The following SLC35D2 variants were observed in gnomAD, a reference collection of about 807,000 sequenced individuals.
SLC35D2 encodes nucleotide sugar transporter SLC35D2.
In SLC35D2, 43 loss-of-function variants were observed where a neutral mutation model predicts 41.8. That is an observed-to-expected ratio of 1.03 (90% CI 0.81 to 1.33). The LOEUF is 1.33. Ranked by LOEUF, SLC35D2 falls within the 40% of genes most tolerant of loss-of-function variation. The probability of loss-of-function intolerance (pLI) is 0.00; values close to 1 mark genes in which losing one functional copy is unlikely to be tolerated. For missense variants in SLC35D2, 380 were observed against 408.4 expected (o/e 0.93, Z 0.60); for synonymous variants, 150 against 163.9 (o/e 0.92, Z 0.65).
chr9:96,327,251 G>A (rs1828578199), intron 9 of SLC35D2, among the ~76,000 whole-genome samples: 1 of 152,210 alleles, frequency 6.6e-6, no homozygotes, highest in African/African-American at 2.4e-5. Flanking sequence ...TTAAAAAAGG[G>A]TTGGGGGGAA....
At chr9:96,363,228 T>C (rs1246726421) in intron 3 of SLC35D2, among the ~76,000 whole-genome samples, 2 of 151,592 alleles carry the variant, frequency 1.3e-5, no homozygotes, top group East Asian at 3.9e-4. Context: ...CTCCAACTCC[T>C]GGCCTCAGAC....
intron 9 of SLC35D2, among the ~76,000 whole-genome samples, chr9:96,329,011 C>T (rs896485679): frequency 6.6e-6 from 1 of 151,366 alleles, no homozygotes; most frequent in African/African-American, 2.4e-5. Flanking sequence ...TCGCTTGAAC[C>T]CAGGAGGCGG....
At chr9:96,371,664 T>A (rs1353626343) in intron 1 of SLC35D2, among the ~76,000 whole-genome samples, 1 of 150,966 alleles carries the variant, frequency 6.6e-6, no homozygotes, top group Middle Eastern at 3.2e-3. Flanking sequence ...AATAATTCTT[T>A]CAGTTGAACT....
chr9:96,341,593 A>G (rs887045746), intron 8 of SLC35D2, among the ~76,000 whole-genome samples: 1 of 152,210 alleles, frequency 6.6e-6, no homozygotes, highest in Non-Finnish European at 1.5e-5. Context: ...AATGCTTTGA[A>G]AAATGTCTGA....
intron 2 of SLC35D2, among the ~76,000 whole-genome samples, chr9:96,367,219 C>CAAAAA (rs1171888357): frequency 1.8e-4 from 13 of 70,980 alleles, no homozygotes; most frequent in Admixed American, 3.4e-4. Context: ...GACTCAGTCA[C>CAAAAA]AAAAAAAAAA....
chr9:96,377,045 G>A (rs1321103399), intron 1 of SLC35D2, among the ~76,000 whole-genome samples: 3 of 151,108 alleles, frequency 2.0e-5, no homozygotes, highest in African/African-American at 7.3e-5. Flanking sequence ...AGAGTCTCAC[G>A]TGTCCCTCCT....
intron 6 of SLC35D2, among the ~76,000 whole-genome samples, chr9:96,346,579 G>A (rs551465080): frequency 2.0e-5 from 3 of 152,142 alleles, no homozygotes; most frequent in Admixed American, 1.3e-4. Flanking sequence ...AATCTTTCTC[G>A]GCTCAAAATA....
At chr9:96,345,681 C>A (rs1282449790) in intron 6 of SLC35D2, among the ~76,000 whole-genome samples, 6 of 152,226 alleles carry the variant, frequency 3.9e-5, no homozygotes, top group Non-Finnish European at 7.3e-5. Context: ...GATGAATCCA[C>A]ATAATAACTG....
intron 1 of SLC35D2, among the ~76,000 whole-genome samples, chr9:96,371,084 T>C (rs892986014): frequency 1.3e-5 from 2 of 152,190 alleles, no homozygotes; most frequent in African/African-American, 4.8e-5. Flanking sequence ...CAGGGCTAGT[T>C]AGTAGGCCTG....
Position 96,328,295 on chromosome 9 carries a change from G to A in SLC35D2, c.753-4126C>T, listed in dbSNP as rs112213557. ...TCTGTTGCTCAGGCTGGAGTACAGT[G>A]GCACAATCACAACTCACTGGGCTCA... is the stretch of plus-strand genomic sequence containing the variant. On this transcript the variant is annotated intron_variant, in intron 9 of 11. Coordinates refer to ENST00000253270, the MANE Select transcript of SLC35D2 (RefSeq NM_007001.3). Among the ~76,000 whole-genome samples the A allele has an allele frequency of 4.5e-3, 691 of 152,134 alleles. 6 individuals carry two copies. Among genetic ancestry groups the A allele is most frequent in the African/African-American group, 0.016 (659 of 41,510 alleles).
intron 7 of SLC35D2, 150 bp downstream of exon 7, chr9:96,345,149 T>C: frequency 1.9e-6 from 1 of 532,970 alleles, no homozygotes; most frequent in East Asian, 3.4e-5. Flanking sequence ...AAATAATAAC[T>C]TATACAGACA....
chr9:96,314,603 A>G (rs10820323), exon 12 of SLC35D2: 80,853 of 151,510 alleles, frequency 0.53, 21,772 homozygotes, highest in African/African-American at 0.6. Context: ...GGTGCGGGAG[A>G]GGGAGCATCA....
At chr9:96,332,641 C>G in intron 9 of SLC35D2, among the ~76,000 whole-genome samples, 1 of 151,664 alleles carries the variant, frequency 6.6e-6, no homozygotes, top group East Asian at 2.0e-4. Flanking sequence ...TAGCCAGGCG[C>G]AGTGGTGGGT....
chr9:96,346,445 A>G (rs1829579525), intron 6 of SLC35D2, among the ~76,000 whole-genome samples: 1 of 152,212 alleles, frequency 6.6e-6, no homozygotes, highest in Non-Finnish European at 1.5e-5. Flanking sequence ...CCCTCCGTCC[A>G]GTGATAGGAA....
At chr9:96,355,328 A>G (rs969752009) in intron 4 of SLC35D2, among the ~76,000 whole-genome samples, 5 of 151,516 alleles carry the variant, frequency 3.3e-5, no homozygotes, top group Admixed American at 2.0e-4. Context: ...CAAAAAATAT[A>G]TATGTTTTTT....
chr9:96,368,126 TGTTGTCTCACCAGGA>T, intron 2 of SLC35D2, 131 bp downstream of exon 2: 1 of 541,888 alleles, frequency 1.8e-6, no homozygotes, highest in Non-Finnish European at 3.3e-6. Flanking sequence ...CAATATGTCC[TGTTGTCTCACCAGGA>T]GTACCATGAC....
intron 1 of SLC35D2, among the ~76,000 whole-genome samples, chr9:96,375,883 A>G (rs1418044299): frequency 6.6e-6 from 1 of 151,576 alleles, no homozygotes; most frequent in Non-Finnish European, 1.5e-5. Flanking sequence ...CCGGGGAGTC[A>G]GGCGCAGTGG....
intron 1 of SLC35D2, among the ~76,000 whole-genome samples, chr9:96,371,917 G>A (rs1300410572): frequency 1.3e-5 from 2 of 151,018 alleles, no homozygotes; most frequent in African/African-American, 2.4e-5. Context: ...TAGTAGAGAC[G>A]GGGTTTCACC....
At chr9:96,382,137 A>G (rs1014808286) in intron 1 of SLC35D2, among the ~76,000 whole-genome samples, 1 of 152,148 alleles carries the variant, frequency 6.6e-6, no homozygotes, top group Non-Finnish European at 1.5e-5. Context: ...TGTTGGAGGT[A>G]CAACCAATCG....
Sources: gnomAD v4.1 joint callset for allele counts (sites outside exome capture counted in the v4.1 genomes callset) on GRCh38, gnomAD v4.1.1 for gene constraint, MANE v1.5 for transcripts, NCBI Gene and HGNC (gene_info 2026-07-23, HGNC 2026-07-21) for gene names.